The following TUBGCP3 variants were observed in gnomAD, a reference collection of about 807,000 sequenced individuals.
TUBGCP3 encodes tubulin gamma complex component 3, also known as gamma-tubulin complex component 3.
A neutral mutation model predicts 123.1 loss-of-function variants in TUBGCP3; 50 were observed. That is an observed-to-expected ratio of 0.41 (90% confidence interval 0.32 to 0.51). The LOEUF (loss-of-function observed/expected upper bound fraction) is 0.51. Among genes scored for constraint, TUBGCP3 ranks in the 20% least tolerant of loss-of-function variants. The pLI, the probability that TUBGCP3 is intolerant of heterozygous loss-of-function variation, is 0.36. For synonymous variants in TUBGCP3, 405 were observed against 413.9 expected, an observed-to-expected ratio of 0.98 and a Z score of 0.26; for missense variants, 882 against 1,127.0, an observed-to-expected ratio of 0.78 and a Z score of 3.11.
chr13:112,533,995 G>A lies in TUBGCP3; in HGVS notation c.1336-6511C>T, dbSNP rs187709135. Reference sequence around the variant, plus strand: ...CCCTTTCCCTCCAAGGGAATTTCTTGGAGCCTGCACTACTGCACAGAGGAT... The same window carrying A: ...CCCTTTCCCTCCAAGGGAATTTCTTAGAGCCTGCACTACTGCACAGAGGAT... On this transcript the variant is annotated intron_variant, in intron 11 of 21. Coordinates refer to ENST00000261965, the MANE Select transcript of TUBGCP3 (RefSeq NM_006322.6). Among the ~76,000 whole-genome samples the A allele has an allele frequency of 2.0e-5, 3 of 152,022 alleles. No individual in the cohort carries two copies. In the East Asian group the frequency reaches 5.8e-4, roughly 29 times the overall value.
intron 11 of TUBGCP3, among the ~76,000 whole-genome samples, chr13:112,535,798 C>G (rs1436168909): frequency 6.6e-6 from 1 of 152,144 alleles, no homozygotes; most frequent in Non-Finnish European, 1.5e-5. Flanking sequence ...TATACTTGTT[C>G]TCACTGCTGG....
chr13:112,489,937 T>G, intron 20 of TUBGCP3: 1 of 538,140 alleles, frequency 1.9e-6, no homozygotes, highest in South Asian at 2.6e-5. Flanking sequence ...CTGTTGTTTT[T>G]AATATCACAT....
intron 11 of TUBGCP3, among the ~76,000 whole-genome samples, chr13:112,530,310 G>A (rs1877472373): frequency 6.6e-6 from 1 of 152,044 alleles, no homozygotes; most frequent in Non-Finnish European, 1.5e-5. Flanking sequence ...TAAAAATAAG[G>A]GAATATATAA....
chr13:112,596,575 C>T, the TUBGCP3 span, among the ~76,000 whole-genome samples: 1 of 152,034 alleles, frequency 6.6e-6, no homozygotes, highest in African/African-American at 2.4e-5. Context: ...AATGTCTTGA[C>T]ATGGTTTCCT....
intron 3 of TUBGCP3, among the ~76,000 whole-genome samples, chr13:112,561,050 C>T (rs1324113688): frequency 1.3e-5 from 2 of 152,182 alleles, no homozygotes; most frequent in African/African-American, 2.4e-5. Flanking sequence ...CCACGCTGCA[C>T]CAAGAAACTT....
At chr13:112,562,566 G>C (rs998020697) in intron 3 of TUBGCP3, among the ~76,000 whole-genome samples, 1 of 152,168 alleles carries the variant, frequency 6.6e-6, no homozygotes, top group Non-Finnish European at 1.5e-5. Flanking sequence ...AGCCAACCGG[G>C]AGACACACAG....
At chr13:112,594,309 G>C in the TUBGCP3 span, among the ~76,000 whole-genome samples, 1 of 152,174 alleles carries the variant, frequency 6.6e-6, no homozygotes, top group African/African-American at 2.4e-5. Context: ...AGGAATGCAA[G>C]GTTGGGCTAA....
intron 1 of TUBGCP3, among the ~76,000 whole-genome samples, chr13:112,578,416 G>A (rs1006997492): frequency 8.0e-5 from 12 of 150,174 alleles, no homozygotes; most frequent in African/African-American, 2.5e-4. Flanking sequence ...AAAATTAGCC[G>A]GGCGTGGTGG....
chr13:112,534,038 G>A (rs1877819888), intron 11 of TUBGCP3, among the ~76,000 whole-genome samples: 1 of 152,096 alleles, frequency 6.6e-6, no homozygotes, highest in African/African-American at 2.4e-5. Flanking sequence ...GTGGAAGGGA[G>A]ATGAGTATGC....
In TUBGCP3 at chr13:112,547,759, A is replaced by T; in HGVS notation, c.1036-7T>A. 2 of 1,457,710 alleles carry T rather than the reference A, an allele frequency of 1.4e-6. No individual in the cohort carries two copies. The highest frequency in any genetic ancestry group is 1.8e-6 in the Non-Finnish European group (2 of 1,100,642). 90.3% of individuals were successfully genotyped at this position (1,457,710 alleles called of 1,614,324 possible). ...GGTCATCCTCTAGTTGTAGCTAAAA[A>T]ACAATAAAGATAGAAATGTTTAAGT... On this transcript the variant is annotated splice_region_variant and splice_polypyrimidine_tract_variant and intron_variant, in intron 9 of 21. Coordinates refer to ENST00000261965, the MANE Select transcript of TUBGCP3 (RefSeq NM_006322.6).
chr13:112,548,909 T>C (rs1594181104), intron 8 of TUBGCP3, among the ~76,000 whole-genome samples: 2 of 152,170 alleles, frequency 1.3e-5, no homozygotes, highest in Admixed American at 1.3e-4. Flanking sequence ...AGTTCAACCA[T>C]TGTGGAAGAC....
intron 17 of TUBGCP3, among the ~76,000 whole-genome samples, chr13:112,513,653 C>T (rs867261197): frequency 1.4e-4 from 22 of 152,314 alleles, no homozygotes; most frequent in Admixed American, 7.2e-4. Context: ...ACATTTCTAA[C>T]GCGCTGGATT....
intron 20 of TUBGCP3, chr13:112,498,778 A>G (rs1880689965): frequency 3.2e-6 from 5 of 1,543,846 alleles, no homozygotes; most frequent in African/African-American, 1.4e-5. Context: ...TGTGGCACTC[A>G]GTAATGAAAA....
At position 112,511,480 on chromosome 13, in the gene TUBGCP3, C is replaced by T. The variant is rs188309864; in HGVS notation, c.2086+4960G>A. ...TGTAATCTTTTTGAAGGCAATGAACCGCAGCTGGGCCGGTACTAAAGGCTG... is the reference window on the plus strand; with the variant it reads ...TGTAATCTTTTTGAAGGCAATGAACTGCAGCTGGGCCGGTACTAAAGGCTG... On this transcript the variant is annotated intron_variant, in intron 17 of 21. Coordinates refer to ENST00000261965, the MANE Select transcript of TUBGCP3 (RefSeq NM_006322.6). This position sits in a 1 kb window ranked among gnomAD's most constrained non-coding sequence, Gnocchi z 4.1. Among the ~76,000 whole-genome samples, 10 of 152,116 alleles carry T rather than the reference C, an allele frequency of 6.6e-5. No individual in the cohort carries two copies. The East Asian group carries it at 1.5e-3, about 24-fold the overall frequency.
intron 1 of TUBGCP3, among the ~76,000 whole-genome samples, chr13:112,578,709 A>C (rs1882050403): frequency 6.6e-6 from 1 of 151,930 alleles, no homozygotes; most frequent in Non-Finnish European, 1.5e-5. Context: ...TCTTTGTTTG[A>C]TCACCAATAA....
rs1353282772 is a variant in TUBGCP3 at position 112,526,984 on chromosome 13, T to G, written c.1513A>C (p.Lys505Gln). 6.2e-7 allele frequency: 1 copy of G among 1,614,102 alleles called. No individual in the cohort carries two copies. The highest frequency in any genetic ancestry group is 8.5e-7 in the Non-Finnish European group (1 of 1,180,038). The change falls in exon 13 of 22, where the codon AAG becomes CAG. Residue 505 changes from lysine (K) to glutamine (Q), a missense_variant. By Grantham distance (53) the Lys-to-Gln change is moderately conservative. Transcript: ENST00000261965. ...QVCHDQTPTT[K>Q]MIAVTKSAES... is the part of the protein sequence containing the mutation. ...GCAGACTTGGTCACAGCTATCATCTTTGTAGTGGGAGTCTGATCATGACAA... is the reference window on the plus strand; with the variant it reads ...GCAGACTTGGTCACAGCTATCATCTGTGTAGTGGGAGTCTGATCATGACAA...
At chr13:112,574,507 T>C (rs993892710) in intron 1 of TUBGCP3, among the ~76,000 whole-genome samples, 1 of 152,198 alleles carries the variant, frequency 6.6e-6, no homozygotes, top group African/African-American at 2.4e-5. Context: ...TTAAGGAAGA[T>C]ATAAACAAAA....
intron 16 of TUBGCP3, among the ~76,000 whole-genome samples, chr13:112,518,623 A>ATTCCCCTAAAATACACTTTATAGTTCCTT (rs1367817505): frequency 6.6e-6 from 1 of 152,242 alleles, no homozygotes; most frequent in East Asian, 1.9e-4. Context: ...TAAAAATATG[A>ATTCCCCTAAAATACACTTTATAGTTCCTT]TTCCCCTAAA....
At chr13:112,585,099 C>A (rs1228776029) in intron 1 of TUBGCP3, among the ~76,000 whole-genome samples, 1 of 152,060 alleles carries the variant, frequency 6.6e-6, no homozygotes, top group Admixed American at 6.5e-5. Flanking sequence ...ATATGAAATT[C>A]TCATTAAAAG....
Sources: gnomAD v4.1 joint callset for allele counts (sites outside exome capture counted in the v4.1 genomes callset) on GRCh38, gnomAD v4.1.1 for gene constraint, Gnocchi (gnomAD v3.1) non-coding constraint, MANE v1.5 for transcripts, NCBI Gene and HGNC (gene_info 2026-07-23, HGNC 2026-07-21) for gene names.